LPAR1: variants seen among roughly 807,000 people sequenced by gnomAD.
LPAR1 encodes the protein lysophosphatidic acid receptor 1, also known as LPA receptor 1.
A neutral mutation model predicts 23.8 loss-of-function variants in LPAR1; 5 were observed. That is an observed-to-expected ratio of 0.21 (90% confidence interval 0.11 to 0.44). The LOEUF (loss-of-function observed/expected upper bound fraction) is 0.44, where lower values mean the gene tolerates loss of function less well. LPAR1 is among the 20% of genes least tolerant of loss of function. LPAR1 has a pLI of 0.99. For missense variants in LPAR1, 311 were observed against 482.8 expected, an observed-to-expected ratio of 0.64 and a Z score of 3.33; for synonymous variants, 160 against 164.7, an observed-to-expected ratio of 0.97 and a Z score of 0.22.
intron 4 of LPAR1, among the ~76,000 whole-genome samples, chr9:110,962,808 T>C (rs1285010804): frequency 1.3e-5 from 2 of 152,192 alleles, no homozygotes; most frequent in East Asian, 3.9e-4. Context: ...CAAATGGCAG[T>C]ATTAATATTT....
Position 110,960,642 on chromosome 9 carries a change from T to A in LPAR1, c.45+11431A>T, listed in dbSNP as rs376865097. 1.9e-4 allele frequency among the ~76,000 whole-genome samples: 29 copies of A among 152,300 alleles called. No individual in the cohort carries two copies. The East Asian group carries it at 2.7e-3, about 14-fold the overall frequency. On this transcript the variant is annotated intron_variant, in intron 4 of 5. Coordinates refer to ENST00000683809, the MANE Select transcript of LPAR1 (RefSeq NM_001351411.2). ...AAGCATTTCATTTTGCTTAATTTTT[T>A]TTAAAAAAGGAAAGAAAGAAATTGA...
intron 4 of LPAR1, among the ~76,000 whole-genome samples, chr9:110,957,369 AATGCACC>A (rs1232214171): frequency 7.9e-5 from 12 of 151,802 alleles, no homozygotes; most frequent in African/African-American, 1.9e-4. Context: ...TAATAATAAT[AATGCACC>A]ATGCACCATG....
rs576281902 is a variant in LPAR1, at chr9:110,949,460, T to C, written c.46-7292A>G. On this transcript the variant is annotated intron_variant, in intron 4 of 5. Coordinates refer to ENST00000683809, the MANE Select transcript of LPAR1 (RefSeq NM_001351411.2). Reference sequence around the variant, plus strand: ...AATGCTTAGTCTTAATATTTTAACATGCACACTTGACTAGAAGTCTGAAGG... The same window carrying C: ...AATGCTTAGTCTTAATATTTTAACACGCACACTTGACTAGAAGTCTGAAGG... Among the ~76,000 whole-genome samples, 59 of 152,352 alleles carry C rather than the reference T, an allele frequency of 3.9e-4. No individual in the cohort carries two copies. In the South Asian group the frequency reaches 8.1e-3, roughly 21 times the overall value.
chr9:110,977,821 C>A (rs2418126), intron 2 of LPAR1, among the ~76,000 whole-genome samples: 62,894 of 90,104 alleles, frequency 0.7, 19,055 homozygotes, highest in Non-Finnish European at 0.73. Flanking sequence ...GGAGGGAGGG[C>A]GGGAGGGAGG....
chr9:110,952,762 C>A (rs2095610054), intron 4 of LPAR1, among the ~76,000 whole-genome samples: 1 of 152,112 alleles, frequency 6.6e-6, no homozygotes, highest in South Asian at 2.1e-4. Flanking sequence ...CCAAGCATTC[C>A]ACTGCAGAAC....
intron 5 of LPAR1, among the ~76,000 whole-genome samples, chr9:110,922,047 G>A (rs912925217): frequency 4.6e-5 from 7 of 152,148 alleles, no homozygotes; most frequent in Non-Finnish European, 7.3e-5. Context: ...CCTGAGCAGC[G>A]GAGAAAGTAA....
In LPAR1 at chr9:110,972,108, T is replaced by C. The variant is rs1410603157; in HGVS notation, c.10A>G (p.Ile4Val). MAA[I>V]STSIPVISQP... ...GAAATTACAGGGATGGAAGTAGAGA[T>C]GGCAGCCATGACAGCTCTGTGGTTG... Residue 4 changes from isoleucine (I) to valine (V), a missense_variant, in exon 4 of 6, where the codon ATC becomes GTC. This residue lies in a region of LPAR1 where 61 missense variants were observed against 55.6 expected (regional missense o/e 1.10). Transcript: ENST00000683809. The C allele has an allele frequency of 1.2e-6, 2 of 1,614,004 alleles. No individual in the cohort carries two copies. Among genetic ancestry groups the C allele is most frequent in the African/African-American group, 1.3e-5 (1 of 75,044 alleles).
chr9:110,908,802 G>A (rs1213109942), intron 5 of LPAR1, among the ~76,000 whole-genome samples: 1 of 152,172 alleles, frequency 6.6e-6, no homozygotes, highest in Non-Finnish European at 1.5e-5. Flanking sequence ...AGAGAAAAAT[G>A]TTCAAGGAGT....
chr9:110,977,482 C>T (rs1303676146), intron 2 of LPAR1, among the ~76,000 whole-genome samples: 1 of 152,170 alleles, frequency 6.6e-6, no homozygotes, highest in Non-Finnish European at 1.5e-5. Context: ...AGGCAAACTT[C>T]CCTTTGATTA....
intron 4 of LPAR1, among the ~76,000 whole-genome samples, chr9:110,966,661 TA>T (rs2096239318): frequency 2.0e-5 from 3 of 151,746 alleles, no homozygotes; most frequent in South Asian, 4.2e-4. Context: ...AATTAAAAAA[TA>T]ACAAAATGGT....
intron 2 of LPAR1, among the ~76,000 whole-genome samples, chr9:111,003,923 G>T (rs906381695): frequency 4.6e-5 from 7 of 152,164 alleles, no homozygotes; most frequent in Admixed American, 6.5e-5. Flanking sequence ...ATTTGCATAT[G>T]TCTTGGACCA....
intron 2 of LPAR1, among the ~76,000 whole-genome samples, chr9:110,986,463 G>C (rs955941604): frequency 4.6e-5 from 7 of 152,078 alleles, no homozygotes; most frequent in African/African-American, 1.4e-4. Flanking sequence ...CCAGCACTTT[G>C]AGAGGCCAAG....
intron 5 of LPAR1, among the ~76,000 whole-genome samples, chr9:110,919,615 C>T (rs1254716311): frequency 2.0e-5 from 3 of 152,162 alleles, no homozygotes; most frequent in East Asian, 1.9e-4. Flanking sequence ...AAAAATGTAA[C>T]GGAAACTTCA....
chr9:110,889,447 T>A (rs1302461658), intron 5 of LPAR1, among the ~76,000 whole-genome samples: 1 of 152,174 alleles, frequency 6.6e-6, no homozygotes, highest in Non-Finnish European at 1.5e-5. Flanking sequence ...ATACTCAGTG[T>A]GTATATGTAG....
At position 110,941,404 on chromosome 9, in the gene LPAR1, G is replaced by A. The variant is rs920309786; in HGVS notation, c.793+17C>T. The stretch of plus-strand genomic sequence containing the variant: ...CTGAGAATCTATAAAGTAAGTTACA[G>A]TCAAGACAGAACTTACCAAGCACAA... On this transcript the variant is annotated intron_variant, in intron 5 of 5. Transcript: ENST00000683809. This position sits in a 1 kb window ranked among gnomAD's most constrained non-coding sequence, Gnocchi z 6.1. The A allele has an allele frequency of 1.3e-6, 2 of 1,589,020 alleles. No individual in the cohort carries two copies. The highest frequency in any genetic ancestry group is 1.1e-5 in the South Asian group (1 of 87,174).
chr9:110,875,170 T>G lies in LPAR1; in HGVS notation c.*251A>C, dbSNP rs769442916. 2 of 402,612 alleles carry G rather than the reference T, an allele frequency of 5.0e-6. No individual in the cohort carries two copies. Among genetic ancestry groups the G allele is most frequent in the Non-Finnish European group, 8.9e-6 (2 of 225,342 alleles). The allele number at this position is 402,612 out of a possible 1,614,324, so 24.9% of individuals were successfully genotyped here. ...GACACTCCAGAGTCTGTTCTTGAAT[T>G]CCATTGCAAGAGCTCCAACTTCCTA... On this transcript the variant is annotated 3_prime_UTR_variant, in exon 6 of 6. Coordinates refer to ENST00000683809, the MANE Select transcript of LPAR1 (RefSeq NM_001351411.2).
At chr9:110,887,373 C>T (rs1017480977) in intron 5 of LPAR1, among the ~76,000 whole-genome samples, 1 of 151,604 alleles carries the variant, frequency 6.6e-6, no homozygotes, top group Non-Finnish European at 1.5e-5. Flanking sequence ...TTTTAATAGC[C>T]AAAAGACATG....
At chr9:111,000,339 C>T (rs959872004) in intron 2 of LPAR1, among the ~76,000 whole-genome samples, 13 of 152,138 alleles carry the variant, frequency 8.5e-5, no homozygotes, top group African/African-American at 2.7e-4. Flanking sequence ...TTGTCACTAG[C>T]CAAATCTCTT....
intron 5 of LPAR1, among the ~76,000 whole-genome samples, chr9:110,935,183 A>T (rs2418119): frequency 0.28 from 42,526 of 151,960 alleles, 7,626 homozygotes; most frequent in Non-Finnish European, 0.4. Flanking sequence ...AAAAAGATGA[A>T]GATGGAAAGT....
Sources: gnomAD v4.1 joint callset for allele counts (sites outside exome capture counted in the v4.1 genomes callset) on GRCh38, gnomAD v4.1.1 for gene constraint, gnomAD v4.1.1 regional missense constraint, Gnocchi (gnomAD v3.1) non-coding constraint, MANE v1.5 for transcripts, NCBI Gene and HGNC (gene_info 2026-07-23, HGNC 2026-07-21) for gene names.